The following CPLANE1 variants were observed in gnomAD, a reference collection of about 807,000 sequenced individuals.
CPLANE1 encodes the protein ciliogenesis and planar polarity effector complex subunit 1.
Under a neutral mutation model 362.5 loss-of-function variants are expected in CPLANE1, and 263 were observed. The observed-to-expected ratio is 0.73, with a 90% CI of 0.66 to 0.80. The LOEUF (loss-of-function observed/expected upper bound fraction) is 0.80. CPLANE1 is among the 30% of genes least tolerant of loss of function. CPLANE1 has a pLI of 0.00. For synonymous variants in CPLANE1, 1,212 were observed against 1,302.6 expected (o/e 0.93, Z 1.50); for missense variants, 3,461 against 3,793.4 (o/e 0.91, Z 2.30).
intron 29 of CPLANE1, among the ~76,000 whole-genome samples, chr5:37,178,924 G>A (rs1781959706): frequency 6.6e-6 from 1 of 151,992 alleles, no homozygotes; most frequent in South Asian, 2.1e-4. Context: ...ACCATGCCTG[G>A]CTATTTTTTA....
At chr5:37,195,283 A>C (rs746137746) in intron 21 of CPLANE1, among the ~76,000 whole-genome samples, 1 of 152,182 alleles carries the variant, frequency 6.6e-6, no homozygotes, top group Non-Finnish European at 1.5e-5. Context: ...TTAGGCAAAT[A>C]ACTGGACATA....
At chr5:37,239,900 AAG>A in intron 6 of CPLANE1, 31 bp from the exon 7 acceptor site, 1 of 1,402,476 alleles carries the variant, frequency 7.1e-7, no homozygotes, top group Non-Finnish European at 9.4e-7. Context: ...TTGAAAACAA[AAG>A]GTATAGTAAC....
chr5:37,158,458 T>A, intron 38 of CPLANE1, 113 bp from the exon 39 acceptor site: 1 of 1,044,866 alleles, frequency 9.6e-7, no homozygotes, highest in Non-Finnish European at 1.3e-6. Flanking sequence ...TTGTACTTCT[T>A]GAAATCTAAG....
intron 29 of CPLANE1, among the ~76,000 whole-genome samples, chr5:37,179,097 T>C (rs937501893): frequency 6.6e-6 from 1 of 152,238 alleles, no homozygotes; most frequent in African/African-American, 2.4e-5. Flanking sequence ...ACACATTTGC[T>C]ACTCTTGATT....
In CPLANE1 at chr5:37,140,463, C is replaced by T. The variant is rs978765507; in HGVS notation, c.8633-1093G>A. ...ATTTAACTAAGAGAGAAATATTTCA[C>T]ATAAATCTAAGATTAGCGTAATAGT... On this transcript the variant is annotated intron_variant, in intron 44 of 52. Transcript: ENST00000651892. The T allele has an allele frequency of 3.0e-6, 3 of 984,828 alleles. No homozygotes were observed. In the African/African-American group the frequency reaches 5.2e-5, roughly 17 times the overall value. The allele number at this position is 984,828 out of a possible 1,614,324, so 61.0% of individuals were successfully genotyped here. A position where few individuals can be genotyped will look rare whatever the true frequency, so the allele number is the denominator to read the frequency against.
intron 27 of CPLANE1, among the ~76,000 whole-genome samples, 177 bp downstream of exon 27, chr5:37,180,680 G>T (rs1782439368): frequency 6.6e-6 from 1 of 152,082 alleles, no homozygotes; most frequent in African/African-American, 2.4e-5. Context: ...AGACCAAGAG[G>T]GAAGAAATAC....
chr5:37,226,517 T>G lies in CPLANE1; in HGVS notation c.2078A>C (p.Lys693Thr), dbSNP rs181812684. 2.6e-6 allele frequency: 4 copies of G among 1,548,314 alleles called. No homozygotes were observed. In the African/African-American group the frequency reaches 4.1e-5, roughly 16 times the overall value. Reference protein sequence around the residue: ...EKLLACFYLLKMVADNLNGVY... With the variant: ...EKLLACFYLLTMVADNLNGVY... ...ACCATTTAAATTGTCAGCTACCATT[T>G]TGAGTAAATAAAAACAAGCTAAAAG... is the stretch of plus-strand genomic sequence containing the variant. Residue 693 changes from lysine (K) to threonine (T), a missense_variant, in exon 12 of 53, where the codon AAA becomes ACA. By Grantham distance (78) the Lys-to-Thr change is moderately conservative. Around this residue, in one of 2 missense-constraint regions of CPLANE1, gnomAD observed 3,380 missense variants for 3,666.1 expected, o/e 0.92. Coordinates refer to ENST00000651892, the MANE Select transcript of CPLANE1 (RefSeq NM_001384732.1).
At chr5:37,081,410 C>T in the CPLANE1 span, among the ~76,000 whole-genome samples, 30 of 152,210 alleles carry the variant, frequency 2.0e-4, no homozygotes, top group South Asian at 8.3e-4. Context: ...GCAACCTCCA[C>T]CTCCCGAGTT....
intron 15 of CPLANE1, among the ~76,000 whole-genome samples, chr5:37,215,716 T>G (rs1390196099): frequency 6.6e-6 from 1 of 151,352 alleles, no homozygotes; most frequent in African/African-American, 2.4e-5. Flanking sequence ...TCATTATTTA[T>G]TTCCCGTTTT....
the CPLANE1 span, among the ~76,000 whole-genome samples, chr5:37,091,406 A>G: frequency 6.6e-6 from 1 of 152,192 alleles, no homozygotes; most frequent in Non-Finnish European, 1.5e-5. Flanking sequence ...ATGCCAGCTC[A>G]CAATTTCAAC....
chr5:37,212,971 G>A (rs1334812473), intron 16 of CPLANE1, among the ~76,000 whole-genome samples: 1 of 152,228 alleles, frequency 6.6e-6, no homozygotes, highest in African/African-American at 2.4e-5. Context: ...CCAGCAGGGA[G>A]GCCAAGGCAG....
intron 43 of CPLANE1, among the ~76,000 whole-genome samples, chr5:37,142,982 C>T (rs963486162): frequency 1.7e-4 from 26 of 152,128 alleles, no homozygotes; most frequent in Non-Finnish European, 2.9e-5. Flanking sequence ...AAATCTCTCC[C>T]CTGGTGAAAC....
rs1769023539 is a variant in CPLANE1, at chr5:37,139,595, C to T, written c.8633-225G>A. On this transcript the variant is annotated intron_variant, in intron 44 of 52. Transcript: ENST00000651892. ...TGAGACCATGTCTCACTCTGTCACCCAGGCTAAGTGCAGCGACATGGTCAT... is the reference window on the plus strand; with the variant it reads ...TGAGACCATGTCTCACTCTGTCACCTAGGCTAAGTGCAGCGACATGGTCAT... The T allele has an allele frequency of 3.5e-6, 3 of 867,952 alleles. No individual in the cohort carries two copies. The Admixed American group carries it at 1.6e-4, about 46-fold the overall frequency. 53.8% of individuals were successfully genotyped at this position (867,952 alleles called of 1,614,324 possible).
chr5:37,170,474 G>C, intron 32 of CPLANE1, 143 bp from the exon 33 acceptor site: 2 of 871,136 alleles, frequency 2.3e-6, no homozygotes, highest in Non-Finnish European at 1.7e-6. Context: ...GCAGGAGGCA[G>C]TCAGGGAAAT....
At chr5:37,247,495 G>A (rs1034727037) in intron 2 of CPLANE1, 123 bp downstream of exon 2, 22 of 803,078 alleles carry the variant, frequency 2.7e-5, no homozygotes, top group Non-Finnish European at 1.1e-5. Flanking sequence ...TGATCCTCCT[G>A]TAGATCCTCC....
chr5:37,219,624 T>G (rs1794923584), intron 15 of CPLANE1, among the ~76,000 whole-genome samples: 1 of 152,178 alleles, frequency 6.6e-6, no homozygotes, highest in Admixed American at 6.5e-5. Flanking sequence ...GAATTTATCT[T>G]AGAGAAATTA....
At chr5:37,147,916 C>T (rs1477646536) in intron 43 of CPLANE1, among the ~76,000 whole-genome samples, 2 of 143,310 alleles carry the variant, frequency 1.4e-5, no homozygotes, top group African/African-American at 5.3e-5. Context: ...AAACTGAGCT[C>T]CAGGCCACAC....
chr5:37,173,796 C>G lies in CPLANE1; in HGVS notation c.6130G>C (p.Val2044Leu), dbSNP rs773299420. ...TAQLPDCSES[V>L]RQMLQDEMFK... ...ATTTCATCTTGCAGCATCTGCCTAA[C>G]GGACTCCGAACAATCTGGTAACTGA... The change falls in exon 32 of 53, where the codon GTT becomes CTT. Residue 2044 changes from valine to leucine, a missense_variant. Physicochemically the swap from Val to Leu is conservative, Grantham distance 32. This residue lies in a region of CPLANE1 where 3,380 missense variants were observed against 3,666.1 expected (regional missense o/e 0.92). Transcript: ENST00000651892. 6.2e-7 allele frequency: 1 copy of G among 1,614,136 alleles called. No homozygotes were observed. Among genetic ancestry groups the G allele is most frequent in the Non-Finnish European group, 8.5e-7 (1 of 1,180,022 alleles).
rs755908877 is a variant in CPLANE1, at chr5:37,180,933, C to T, written c.5494G>A (p.Gly1832Ser). The change falls in exon 27 of 53, where the codon GGT (glycine) becomes AGT (serine). Residue 1832 changes from glycine to serine, a missense_variant. By Grantham distance (56) the Gly-to-Ser change is moderately conservative. Around this residue, in one of 2 missense-constraint regions of CPLANE1, gnomAD observed 3,380 missense variants for 3,666.1 expected, o/e 0.92. Coordinates refer to ENST00000651892, the MANE Select transcript of CPLANE1 (RefSeq NM_001384732.1). ...CCTGGAGTTGCTACTGCAACTGAACCGCCAGCATCTGATTTGCTCTCCCTC... is the reference window on the plus strand; with the variant it reads ...CCTGGAGTTGCTACTGCAACTGAACTGCCAGCATCTGATTTGCTCTCCCTC... The part of the protein sequence containing the change: ...IERESKSDAG[G>S]SVAVATPGGT... 9 of 1,613,670 alleles carry T rather than the reference C, an allele frequency of 5.6e-6. No homozygotes were observed. The highest frequency in any genetic ancestry group is 2.2e-5 in the East Asian group (1 of 44,872).
Sources: allele counts gnomAD v4.1 joint callset (sites outside exome capture counted in the v4.1 genomes callset), GRCh38; gene constraint gnomAD v4.1.1; regional missense constraint gnomAD v4.1.1; transcripts MANE v1.5; gene names NCBI Gene and HGNC (gene_info 2026-07-23, HGNC 2026-07-21).